Variants in PHF24 observed in about 807,000 individuals in gnomAD.
PHF24 encodes the protein PHD finger protein 24, also known as Galpha inhibitory interacting protein.
In PHF24, 25 loss-of-function variants were observed where a neutral mutation model predicts 42.6. The observed-to-expected ratio is 0.59, with a 90% CI of 0.43 to 0.82. The LOEUF (loss-of-function observed/expected upper bound fraction) is 0.82. Ranked by LOEUF, PHF24 falls within the 40% of genes least tolerant of loss-of-function variation. The pLI is 0.00. For missense variants in PHF24, 470 were observed against 538.1 expected, an observed-to-expected ratio of 0.87 and a Z score of 1.25; for synonymous variants, 185 against 204.8, an observed-to-expected ratio of 0.90 and a Z score of 0.83.
the PHF24 span, among the ~76,000 whole-genome samples, chr9:34,815,498 A>G: frequency 2.0e-5 from 3 of 152,008 alleles, no homozygotes; most frequent in African/African-American, 7.2e-5. Flanking sequence ...AATTTTTTGT[A>G]TTTTTAGTGG....
the PHF24 span, among the ~76,000 whole-genome samples, chr9:34,792,339 G>A: frequency 1.3e-5 from 2 of 152,206 alleles, no homozygotes; most frequent in Non-Finnish European, 2.9e-5. Context: ...ACTGGGGCAA[G>A]GTTGCCCAGG....
At chr9:34,690,004 G>A in the PHF24 span, 2 of 1,614,062 alleles carry the variant, frequency 1.2e-6, no homozygotes, top group East Asian at 2.2e-5. Flanking sequence ...CAGAGCTGGC[G>A]GCCCCTCAGT....
chr9:34,717,198 A>G, the PHF24 span, among the ~76,000 whole-genome samples: 1 of 152,132 alleles, frequency 6.6e-6, no homozygotes, highest in Non-Finnish European at 1.5e-5. Context: ...GTCTTATTTG[A>G]AAAACTATGA....
At chr9:34,933,585 CATGGTGGT>C in the PHF24 span, among the ~76,000 whole-genome samples, 89 of 151,622 alleles carry the variant, frequency 5.9e-4, no homozygotes, top group African/African-American at 1.6e-3. Context: ...ATTAGCCTGG[CATGGTGGT>C]GGGCACCTGT....
chr9:34,894,390 T>C, the PHF24 span: 1 of 398,518 alleles, frequency 2.5e-6, no homozygotes, highest in African/African-American at 2.1e-5. Context: ...AGCTGAGAAA[T>C]GATCACAGAC....
chr9:34,971,582 G>C, exon 2 of PHF24: 2 of 1,614,128 alleles, frequency 1.2e-6, no homozygotes, highest in Non-Finnish European at 1.7e-6. Context: ...GAGTTTGACA[G>C]GACAAGTCGA....
At chr9:34,972,952 A>G (rs1020773309) in intron 3 of PHF24, among the ~76,000 whole-genome samples, 1 of 151,278 alleles carries the variant, frequency 6.6e-6, no homozygotes, top group African/African-American at 2.4e-5. Context: ...AATGGTACAT[A>G]CAAGAGACCT....
chr9:34,730,781 T>A, the PHF24 span, among the ~76,000 whole-genome samples: 38 of 152,182 alleles, frequency 2.5e-4, no homozygotes, highest in African/African-American at 8.7e-4. Flanking sequence ...CAGTGCAGGT[T>A]GTGGGTAAAA....
chr9:34,875,944 ACACACACTCTCTCTCTCT>A, the PHF24 span, among the ~76,000 whole-genome samples: 418 of 85,668 alleles, frequency 4.9e-3, 1 homozygote, highest in East Asian at 0.019. Context: ...ACACACACAC[ACACACACTCTCTCTCTCT>A]CTCTCTCTCT....
chr9:34,749,508 G>A, the PHF24 span, among the ~76,000 whole-genome samples: 6,470 of 152,054 alleles, frequency 0.043, 467 homozygotes, highest in African/African-American at 0.15. Context: ...CAAGGTGGGA[G>A]GATTGCTTGA....
chr9:34,926,802 G>A, the PHF24 span, among the ~76,000 whole-genome samples: 1 of 152,060 alleles, frequency 6.6e-6, no homozygotes, highest in Non-Finnish European at 1.5e-5. This position sits in a 1 kb window ranked among gnomAD's most constrained non-coding sequence, Gnocchi z 4.3. Flanking sequence ...CTGGTATGCA[G>A]GCACATGGCT....
At chr9:34,874,588 T>C in the PHF24 span, among the ~76,000 whole-genome samples, 1 of 152,286 alleles carries the variant, frequency 6.6e-6, no homozygotes, top group Admixed American at 6.5e-5. Flanking sequence ...TCACAAGTTA[T>C]TTAGTAATTC....
the PHF24 span, among the ~76,000 whole-genome samples, chr9:34,809,716 G>C: frequency 2.0e-5 from 3 of 152,166 alleles, no homozygotes; most frequent in Admixed American, 2.0e-4. This position sits in a 1 kb window ranked among gnomAD's most constrained non-coding sequence, Gnocchi z 4.1. Flanking sequence ...AAGTGTTAGC[G>C]GCCTCAGCCC....
intron 1 of PHF24, among the ~76,000 whole-genome samples, chr9:34,961,637 A>G (rs2132856595): frequency 1.3e-5 from 2 of 152,352 alleles, no homozygotes; most frequent in Middle Eastern, 6.8e-3. Context: ...AATATAGAGT[A>G]TGCCTTTTCC....
the PHF24 span, among the ~76,000 whole-genome samples, chr9:34,768,713 G>C: frequency 2.6e-5 from 4 of 152,134 alleles, no homozygotes; most frequent in African/African-American, 9.7e-5. Context: ...TGCTTATCTT[G>C]CTCTTCATTG....
chr9:34,954,537 T>C (rs539120580), upstream of PHF24, among the ~76,000 whole-genome samples: 1 of 152,344 alleles, frequency 6.6e-6, no homozygotes, highest in East Asian at 1.9e-4. Flanking sequence ...CTCTTCTACA[T>C]GAGCTCACCA....
chr9:34,870,997 A>C, the PHF24 span, among the ~76,000 whole-genome samples: 1 of 152,198 alleles, frequency 6.6e-6, no homozygotes. Flanking sequence ...TATGGCAAGA[A>C]TATATTTAGG....
chr9:34,722,510 T>C, the PHF24 span, among the ~76,000 whole-genome samples: 6 of 152,188 alleles, frequency 3.9e-5, no homozygotes, highest in South Asian at 2.1e-4. Context: ...TTGGGAGTAA[T>C]AGACTGTCGA....
chr9:34,815,520 C>T, the PHF24 span, among the ~76,000 whole-genome samples: 1 of 152,138 alleles, frequency 6.6e-6, no homozygotes, highest in African/African-American at 2.4e-5. Flanking sequence ...GACAGGGTTT[C>T]ACCGTGTTAG....
Sources: allele counts gnomAD v4.1 joint callset (sites outside exome capture counted in the v4.1 genomes callset), GRCh38; gene constraint gnomAD v4.1.1; non-coding constraint Gnocchi (gnomAD v3.1); transcripts MANE v1.5; gene names NCBI Gene and HGNC (gene_info 2026-07-23, HGNC 2026-07-21).